Variants in NALF1 observed in about 807,000 individuals in gnomAD.
NALF1 encodes the protein NALCN channel auxiliary factor 1.
Under a neutral mutation model 48.4 loss-of-function variants are expected in NALF1, and 3 were observed. The observed-to-expected ratio is 0.06, with a 90% CI of 0.03 to 0.16. The LOEUF (loss-of-function observed/expected upper bound fraction) is 0.16. NALF1 is among the 10% of genes least tolerant of loss of function. The pLI is 1.00. For missense variants in NALF1, 526 were observed against 571.5 expected (o/e 0.92, Z 0.81); for synonymous variants, 262 against 245.7 (o/e 1.07, Z -0.62).
At chr13:107,858,605 T>A (rs374836282) in intron 1 of NALF1, among the ~76,000 whole-genome samples, 102 of 152,294 alleles carry the variant, frequency 6.7e-4, no homozygotes, top group African/African-American at 2.4e-3. Context: ...TAAAAATCAC[T>A]TGAACTGGGA....
intron 1 of NALF1, among the ~76,000 whole-genome samples, chr13:107,270,012 C>T (rs1047399268): frequency 1.3e-5 from 2 of 148,780 alleles, no homozygotes; most frequent in African/African-American, 5.0e-5. Flanking sequence ...CCTCGTGATC[C>T]GCCCGCCTCG....
rs141972621 is a variant in NALF1, at chr13:107,451,926, A to C, written c.916-241171T>G. Reference sequence around the variant, plus strand: ...CCCAGAAAGAGGGTATGTGTTTCCCAAAGTAATTCACCCCATCTGCAGGAC... The same window carrying C: ...CCCAGAAAGAGGGTATGTGTTTCCCCAAGTAATTCACCCCATCTGCAGGAC... On this transcript the variant is annotated intron_variant, in intron 1 of 2. Coordinates refer to ENST00000375915, the MANE Select transcript of NALF1 (RefSeq NM_001080396.3). 9.2e-5 allele frequency among the ~76,000 whole-genome samples: 14 copies of C among 152,276 alleles called. No homozygotes were observed. In the East Asian group the frequency reaches 2.5e-3, roughly 27 times the overall value.
chr13:107,177,082 G>C (rs1878954844), intron 2 of NALF1, among the ~76,000 whole-genome samples: 1 of 151,810 alleles, frequency 6.6e-6, no homozygotes, highest in African/African-American at 2.4e-5. Flanking sequence ...TGTCAACAGT[G>C]AAAAATCTGA....
At chr13:107,698,998 G>A (rs1881758033) in intron 1 of NALF1, among the ~76,000 whole-genome samples, 1 of 152,060 alleles carries the variant, frequency 6.6e-6, no homozygotes, top group Non-Finnish European at 1.5e-5. Context: ...TTTTACAAGT[G>A]GAAGGAAAAA....
In NALF1 at chr13:107,794,859, A is replaced by C. The variant is rs182965199; in HGVS notation, c.915+70823T>G. The stretch of plus-strand genomic sequence containing the variant: ...ATGTCTAAAGCTATGTTTAAATTAC[A>C]CAAAATAATTGGTTTATTTTAATAA... On this transcript the variant is annotated intron_variant, in intron 1 of 2. Transcript: ENST00000375915. Among the ~76,000 whole-genome samples the C allele has an allele frequency of 5.4e-3, 815 of 152,276 alleles. 7 individuals carry two copies. The highest frequency in any genetic ancestry group is 7.4e-3 in the Non-Finnish European group (505 of 68,002).
At chr13:107,387,587 A>G (rs1420676424) in intron 1 of NALF1, among the ~76,000 whole-genome samples, 1 of 152,120 alleles carries the variant, frequency 6.6e-6, no homozygotes, top group African/African-American at 2.4e-5. Flanking sequence ...CCCACCTCCC[A>G]AAAACGACAC....
chr13:107,556,344 T>G (rs1013884565), intron 1 of NALF1, among the ~76,000 whole-genome samples: 3 of 147,414 alleles, frequency 2.0e-5, no homozygotes, highest in African/African-American at 2.5e-5. Context: ...CACACATATA[T>G]ATATATAGAG....
intron 1 of NALF1, among the ~76,000 whole-genome samples, chr13:107,554,546 C>T (rs1029225101): frequency 6.6e-6 from 1 of 152,144 alleles, no homozygotes; most frequent in African/African-American, 2.4e-5. Context: ...GGGAGCCTTC[C>T]CCTTATCAGA....
At chr13:107,359,339 G>A (rs1454083072) in intron 1 of NALF1, among the ~76,000 whole-genome samples, 1 of 151,960 alleles carries the variant, frequency 6.6e-6, no homozygotes, top group African/African-American at 2.4e-5. Flanking sequence ...CCAGACTCTT[G>A]AGGTCTGAGA....
At chr13:107,284,842 G>A (rs541417674) in intron 1 of NALF1, among the ~76,000 whole-genome samples, 5 of 152,246 alleles carry the variant, frequency 3.3e-5, no homozygotes, top group South Asian at 2.1e-4. Context: ...TGGAGCCTTC[G>A]TCTTGGATCT....
At chr13:107,522,431 A>G (rs1876274306) in intron 1 of NALF1, among the ~76,000 whole-genome samples, 1 of 151,986 alleles carries the variant, frequency 6.6e-6, no homozygotes, top group Non-Finnish European at 1.5e-5. Context: ...TCCATCCCTA[A>G]AGTTTCACTG....
intron 1 of NALF1, among the ~76,000 whole-genome samples, chr13:107,677,568 G>C (rs949356159): frequency 3.9e-5 from 6 of 151,994 alleles, no homozygotes; most frequent in Admixed American, 6.5e-5. Context: ...AGAAACAGGA[G>C]AATAAAATAT....
At chr13:107,487,960 G>A (rs1459804647) in intron 1 of NALF1, among the ~76,000 whole-genome samples, 2 of 151,716 alleles carry the variant, frequency 1.3e-5, no homozygotes, top group East Asian at 3.9e-4. Context: ...CTCATTATTG[G>A]TCTGTCCAGG....
rs117513985 is a variant in NALF1 at position 107,537,083 on chromosome 13, G to A, written c.916-326328C>T. ...CATCACACACCAGGGCCAGTCGTGG[G>A]GTGGGAGGAGTGGGGAGGGATAGCA... On this transcript the variant is annotated intron_variant, in intron 1 of 2. Coordinates refer to ENST00000375915, the MANE Select transcript of NALF1 (RefSeq NM_001080396.3). Among the ~76,000 whole-genome samples, 1,070 of 152,206 alleles carry A rather than the reference G, an allele frequency of 7.0e-3. 41 individuals carry two copies. In the East Asian group the frequency reaches 0.1, roughly 15 times the overall value.
At chr13:107,509,609 T>TA (rs1237029603) in intron 1 of NALF1, among the ~76,000 whole-genome samples, 1 of 152,138 alleles carries the variant, frequency 6.6e-6, no homozygotes. Context: ...CAGTATATCT[T>TA]ATTATATGCA....
Position 107,852,795 on chromosome 13 carries a change from C to T in NALF1, c.915+12887G>A, listed in dbSNP as rs115328040. ...ATCTGTTGTCATGGCATCAAAAAAACACAATAGAAAAAGTATAGGTTCAGG... is the reference window on the plus strand; with the variant it reads ...ATCTGTTGTCATGGCATCAAAAAAATACAATAGAAAAAGTATAGGTTCAGG... On this transcript the variant is annotated intron_variant, in intron 1 of 2. Coordinates refer to ENST00000375915, the MANE Select transcript of NALF1 (RefSeq NM_001080396.3). Among the ~76,000 whole-genome samples, 478 of 152,192 alleles carry T rather than the reference C, an allele frequency of 3.1e-3. 2 individuals are homozygous for T. The highest frequency in any genetic ancestry group is 0.011 in the African/African-American group (460 of 41,520).
At chr13:107,761,143 G>A (rs1166053490) in intron 1 of NALF1, among the ~76,000 whole-genome samples, 2 of 152,116 alleles carry the variant, frequency 1.3e-5, no homozygotes, top group African/African-American at 4.8e-5. Context: ...AGATCACGAG[G>A]TCAAGAGATT....
chr13:107,371,387 C>A (rs111900588), intron 1 of NALF1, among the ~76,000 whole-genome samples: 4,394 of 152,168 alleles, frequency 0.029, 88 homozygotes, highest in Middle Eastern at 0.071. Context: ...GTGGAGGCTG[C>A]AGTGACTGTG....
chr13:107,828,466 G>A (rs1052743850), intron 1 of NALF1, among the ~76,000 whole-genome samples: 15 of 146,570 alleles, frequency 1.0e-4, no homozygotes, highest in Admixed American at 2.1e-4. Flanking sequence ...AAAATAGAGT[G>A]CTTTTTGTAG....
Sources: allele counts gnomAD v4.1 joint callset (sites outside exome capture counted in the v4.1 genomes callset), GRCh38; gene constraint gnomAD v4.1.1; transcripts MANE v1.5; gene names NCBI Gene and HGNC (gene_info 2026-07-23, HGNC 2026-07-21).